GRIP1: variants seen among roughly 807,000 people sequenced by gnomAD.
GRIP1 encodes glutamate receptor-interacting protein 1.
Under a neutral mutation model 129.9 loss-of-function variants are expected in GRIP1, and 45 were observed. That is an observed-to-expected ratio of 0.35 (90% CI 0.27 to 0.44). GRIP1 has a LOEUF of 0.44. GRIP1 is among the 20% of genes least tolerant of loss of function. GRIP1 has a pLI of 1.00. For missense variants in GRIP1, 1,196 were observed against 1,396.8 expected (o/e 0.86, Z 2.29); for synonymous variants, 530 against 520.8 (o/e 1.02, Z -0.24).
intron 1 of GRIP1, among the ~76,000 whole-genome samples, chr12:66,831,743 C>T (rs1237922563): frequency 1.3e-5 from 2 of 152,094 alleles, no homozygotes; most frequent in Admixed American, 6.6e-5. Context: ...CCCTTTGGGA[C>T]GAGCACGGTA....
chr12:66,377,638 C>CTTTTTTTTTTTTTT (rs3045282), intron 20 of GRIP1, among the ~76,000 whole-genome samples: 30 of 124,588 alleles, frequency 2.4e-4, no homozygotes, highest in African/African-American at 2.5e-4. Context: ...CGCACCCGGC[C>CTTTTTTTTTTTTTT]TTTTTTTTTT....
intron 1 of GRIP1, among the ~76,000 whole-genome samples, chr12:66,922,341 A>T (rs1416393360): frequency 2.0e-5 from 3 of 152,198 alleles, no homozygotes; most frequent in African/African-American, 7.2e-5. Context: ...CCCACCTTCT[A>T]TAAAACCAGG....
intron 1 of GRIP1, among the ~76,000 whole-genome samples, chr12:66,860,390 C>A (rs1247646813): frequency 6.6e-6 from 1 of 152,096 alleles, no homozygotes; most frequent in East Asian, 1.9e-4. Context: ...TTGGAGCATT[C>A]GTCTCTTAGC....
At chr12:66,453,534 A>G (rs1222116542) in intron 11 of GRIP1, among the ~76,000 whole-genome samples, 1 of 152,170 alleles carries the variant, frequency 6.6e-6, no homozygotes, top group African/African-American at 2.4e-5. Flanking sequence ...CTGTCAAGAG[A>G]TTTTCTCATG....
intron 1 of GRIP1, among the ~76,000 whole-genome samples, chr12:66,792,006 T>G (rs1438005658): frequency 6.6e-6 from 1 of 152,124 alleles, no homozygotes; most frequent in East Asian, 1.9e-4. Flanking sequence ...CCTGGAAAGT[T>G]TAACATTCTG....
At chr12:66,889,321 C>T (rs945661378) in intron 1 of GRIP1, among the ~76,000 whole-genome samples, 3 of 151,996 alleles carry the variant, frequency 2.0e-5, no homozygotes, top group Non-Finnish European at 2.9e-5. Flanking sequence ...ATTAGCCAGG[C>T]GTGGTGGCAG....
intron 1 of GRIP1, among the ~76,000 whole-genome samples, chr12:66,745,224 T>C (rs1484431906): frequency 6.6e-6 from 1 of 152,182 alleles, no homozygotes; most frequent in Admixed American, 6.6e-5. Context: ...CATTTAGGAA[T>C]GGTCAGTAAA....
intron 1 of GRIP1, among the ~76,000 whole-genome samples, chr12:66,848,275 TTC>T (rs1032763678): frequency 6.6e-6 from 1 of 152,042 alleles, no homozygotes; most frequent in Non-Finnish European, 1.5e-5. Context: ...TCCACTCCTC[TTC>T]TCTCTCTTCT....
At chr12:66,701,426 G>A (rs2035348852) in intron 1 of GRIP1, among the ~76,000 whole-genome samples, 2 of 152,030 alleles carry the variant, frequency 1.3e-5, no homozygotes, top group South Asian at 4.1e-4. Flanking sequence ...TAATGTAACT[G>A]GAAATACAGT....
intron 1 of GRIP1, among the ~76,000 whole-genome samples, chr12:66,597,467 C>T (rs1204048161): frequency 6.6e-6 from 1 of 152,026 alleles, no homozygotes; most frequent in Non-Finnish European, 1.5e-5. Flanking sequence ...GAACTGGCAG[C>T]CAGTGCAAAG....
At chr12:66,492,699 T>C (rs2060134672) in intron 7 of GRIP1, among the ~76,000 whole-genome samples, 1 of 152,172 alleles carries the variant, frequency 6.6e-6, no homozygotes, top group African/African-American at 2.4e-5. Flanking sequence ...ATAAGTTGGA[T>C]GTCAGAATCA....
chr12:66,518,102 T>C, intron 5 of GRIP1, 126 bp from the exon 6 acceptor site: 1 of 727,840 alleles, frequency 1.4e-6, no homozygotes, highest in East Asian at 2.5e-5. Flanking sequence ...AAAATTTTCC[T>C]TGAGGCATAC....
chr12:66,485,889 A>G (rs923430843), intron 7 of GRIP1, among the ~76,000 whole-genome samples: 5 of 152,088 alleles, frequency 3.3e-5, no homozygotes, highest in African/African-American at 1.2e-4. Flanking sequence ...TAATATATAT[A>G]TTCATATGTA....
chr12:66,584,059 C>T (rs1242431087), intron 2 of GRIP1, among the ~76,000 whole-genome samples: 1 of 148,626 alleles, frequency 6.7e-6, no homozygotes, highest in Admixed American at 6.8e-5. Flanking sequence ...ACATATATAC[C>T]ATGGAATACT....
At position 66,432,642 on chromosome 12, in the gene GRIP1, A is replaced by G. The variant is rs1414819695; in HGVS notation, c.1688-14T>C. 2 of 1,482,542 alleles carry G rather than the reference A, an allele frequency of 1.3e-6. No homozygotes were observed. The highest frequency in any genetic ancestry group is 1.9e-6 in the Non-Finnish European group (2 of 1,061,728). 91.8% of individuals were successfully genotyped at this position (1,482,542 alleles called of 1,614,324 possible). A position where few individuals can be genotyped will look rare whatever the true frequency, so the allele number is the denominator to read the frequency against. ...GGATGACAGACTCTAATATCAAAAC[A>G]AAAAAGAATGTGTTAATAGAACACT... On this transcript the variant is annotated splice_polypyrimidine_tract_variant and intron_variant, in intron 13 of 24. Coordinates refer to ENST00000359742, the MANE Select transcript of GRIP1 (RefSeq NM_001366722.1).
chr12:67,044,768 T>C (rs1348910812), intron 1 of GRIP1, among the ~76,000 whole-genome samples: 1 of 152,148 alleles, frequency 6.6e-6, no homozygotes, highest in African/African-American at 2.4e-5. Flanking sequence ...TAAAAAAAAT[T>C]AAAGAATTGT....
At chr12:66,463,235 C>T in intron 8 of GRIP1, 142 bp from the exon 9 acceptor site, 1 of 731,010 alleles carries the variant, frequency 1.4e-6, no homozygotes, top group Non-Finnish European at 2.4e-6. Context: ...ATAGGAAACA[C>T]CATCTGCCAA....
intron 1 of GRIP1, among the ~76,000 whole-genome samples, chr12:66,955,051 TA>T (rs1409130825): frequency 6.6e-6 from 1 of 152,194 alleles, no homozygotes; most frequent in African/African-American, 2.4e-5. Context: ...TATCTAGTCT[TA>T]ATTGATATCT....
chr12:66,453,850 G>T (rs2058877195), intron 11 of GRIP1, among the ~76,000 whole-genome samples: 1 of 152,140 alleles, frequency 6.6e-6, no homozygotes, highest in Non-Finnish European at 1.5e-5. Context: ...AGGTAGCCTG[G>T]TTCCAGAGTC....
Sources: allele counts gnomAD v4.1 joint callset (sites outside exome capture counted in the v4.1 genomes callset), GRCh38; gene constraint gnomAD v4.1.1; transcripts MANE v1.5; gene names NCBI Gene and HGNC (gene_info 2026-07-23, HGNC 2026-07-21).